Variants in NRG1 observed in about 807,000 individuals in gnomAD.
The protein encoded by NRG1 is neuregulin 1.
Under a neutral mutation model 63.8 loss-of-function variants are expected in NRG1, and 18 were observed. That is an observed-to-expected ratio of 0.28 (90% CI 0.19 to 0.42). The LOEUF is 0.42. Ranked by LOEUF, NRG1 falls within the 10% of genes least tolerant of loss-of-function variation. The pLI is 1.00. For synonymous variants in NRG1, 302 were observed against 301.3 expected (o/e 1.00, Z -0.02); for missense variants, 762 against 814.7 (o/e 0.94, Z 0.79).
chr8:31,951,860 T>C (rs970658303), intron 1 of NRG1, among the ~76,000 whole-genome samples: 1 of 152,178 alleles, frequency 6.6e-6, no homozygotes, highest in Admixed American at 6.5e-5. Context: ...AAACTAAATC[T>C]TATGGCCTGT....
intron 1 of NRG1, among the ~76,000 whole-genome samples, chr8:31,745,342 G>A (rs1399096207): frequency 6.6e-6 from 1 of 151,878 alleles, no homozygotes; most frequent in Non-Finnish European, 1.5e-5. Context: ...TAACTACTAA[G>A]CAGGTGGAAT....
At chr8:32,316,856 G>T (rs1049043804) in intron 1 of NRG1, among the ~76,000 whole-genome samples, 17 of 152,250 alleles carry the variant, frequency 1.1e-4, no homozygotes, top group Middle Eastern at 3.4e-3. Context: ...AAATGAATTA[G>T]TGTAATCAGC....
At chr8:32,107,515 TC>T (rs1831438941) in intron 1 of NRG1, among the ~76,000 whole-genome samples, 1 of 152,220 alleles carries the variant, frequency 6.6e-6, no homozygotes, top group South Asian at 2.1e-4. Context: ...ATTTTTTGGC[TC>T]CAGCTGCTCT....
chr8:31,708,736 C>G (rs531567227), intron 1 of NRG1, among the ~76,000 whole-genome samples: 2 of 152,120 alleles, frequency 1.3e-5, no homozygotes, highest in Non-Finnish European at 2.9e-5. Flanking sequence ...TGAGCCACCG[C>G]GCCCGGCCAA....
rs564994660 is a variant in NRG1 at position 31,691,193 on chromosome 8, G to C, written c.37+51762G>C. Among the ~76,000 whole-genome samples, 3 of 152,280 alleles carry C rather than the reference G, an allele frequency of 2.0e-5. No individual in the cohort carries two copies. In the South Asian group the frequency reaches 6.2e-4, roughly 32 times the overall value. On this transcript the variant is annotated intron_variant, in intron 1 of 10. Coordinates refer to the NRG1 transcript ENST00000519301. ...AAATGCCCAAAGAGGAGGTAAAGTA[G>C]CAAATGACAAAGGGGAATTTTATCT...
At chr8:32,463,874 CTTTTTTTTTTTTTTTTTTTTTTTTTTTT>C (rs756489856) in intron 1 of NRG1, among the ~76,000 whole-genome samples, 1 of 42,338 alleles carries the variant, frequency 2.4e-5, no homozygotes, top group Non-Finnish European at 4.2e-5. Flanking sequence ...ACTTAGAATT[CTTTTTTTTTTTTTTTTTTTTTTTTTTTT>C]TTTTTTTTTT....
At chr8:31,789,854 C>CA (rs767558181) in intron 1 of NRG1, among the ~76,000 whole-genome samples, 3 of 152,114 alleles carry the variant, frequency 2.0e-5, no homozygotes, top group Non-Finnish European at 4.4e-5. Flanking sequence ...TCTTTATTAG[C>CA]AAATCAACAG....
chr8:32,012,281 T>C (rs1814879653), intron 1 of NRG1, among the ~76,000 whole-genome samples: 2 of 152,038 alleles, frequency 1.3e-5, no homozygotes, highest in African/African-American at 4.8e-5. Flanking sequence ...CCATGAAAAA[T>C]GCTTGGACAA....
intron 1 of NRG1, among the ~76,000 whole-genome samples, chr8:32,208,292 T>C (rs928882679): frequency 6.6e-6 from 1 of 152,104 alleles, no homozygotes; most frequent in Non-Finnish European, 1.5e-5. Flanking sequence ...TTAATTTTTT[T>C]TTTTTTTTTA....
At chr8:31,782,774 T>C (rs1201031383) in intron 1 of NRG1, among the ~76,000 whole-genome samples, 2 of 152,176 alleles carry the variant, frequency 1.3e-5, no homozygotes, top group Non-Finnish European at 2.9e-5. Flanking sequence ...CTCGTTAAAA[T>C]GTGAACTGTG....
chr8:32,208,405 C>T (rs182697516), intron 1 of NRG1, among the ~76,000 whole-genome samples: 1 of 151,696 alleles, frequency 6.6e-6, no homozygotes, highest in Non-Finnish European at 1.5e-5. Context: ...TTACAGGCAC[C>T]CTCCACCATG....
intron 5 of NRG1, among the ~76,000 whole-genome samples, chr8:32,632,097 T>A (rs1302345574): frequency 6.6e-6 from 1 of 152,188 alleles, no homozygotes; most frequent in Non-Finnish European, 1.5e-5. Context: ...TAAAAAGTAA[T>A]GTTTTATTTT....
chr8:31,932,277 A>T (rs916123960), intron 1 of NRG1, among the ~76,000 whole-genome samples: 4 of 152,180 alleles, frequency 2.6e-5, no homozygotes, highest in Non-Finnish European at 5.9e-5. Context: ...GGACTCTTGC[A>T]TTACCTTTCA....
At chr8:32,688,403 T>C (rs2128930589) in intron 5 of NRG1, among the ~76,000 whole-genome samples, 1 of 152,222 alleles carries the variant, frequency 6.6e-6, no homozygotes. Context: ...GCTACGAGGA[T>C]TTGTCAAAAG....
chr8:31,781,812 A>G (rs1346976215), intron 1 of NRG1, among the ~76,000 whole-genome samples: 3 of 152,104 alleles, frequency 2.0e-5, no homozygotes, highest in South Asian at 2.1e-4. Flanking sequence ...TAGCAACTCT[A>G]TATTTTAAGT....
chr8:32,704,629 GA>G (rs1331722702), intron 5 of NRG1, among the ~76,000 whole-genome samples: 1 of 152,178 alleles, frequency 6.6e-6, no homozygotes, highest in East Asian at 1.9e-4. Context: ...TATGATTTGA[GA>G]AAAATACTTA....
chr8:32,647,668 C>G, intron 5 of NRG1: 1 of 1,504,430 alleles, frequency 6.6e-7, no homozygotes, highest in Middle Eastern at 2.0e-4. Flanking sequence ...GGGGCCTCTG[C>G]GTGGTAATGG....
At chr8:31,876,513 T>TTGC (rs1829935285) in intron 1 of NRG1, among the ~76,000 whole-genome samples, 1 of 152,192 alleles carries the variant, frequency 6.6e-6, no homozygotes, top group Non-Finnish European at 1.5e-5. Context: ...AATAAAAAGT[T>TTGC]TGCTGGTTGA....
chr8:32,284,489 G>GCCTGCCTGCCTGCCTGCCTGCCTTCCTT (rs1338557078), intron 1 of NRG1, among the ~76,000 whole-genome samples: 1 of 132,522 alleles, frequency 7.5e-6, no homozygotes, highest in Admixed American at 7.7e-5. Context: ...CTGCCTGCCT[G>GCCTGCCTGCCTGCCTGCCTGCCTTCCTT]CCTTCCTTCC....
Sources: gnomAD v4.1 joint callset for allele counts (sites outside exome capture counted in the v4.1 genomes callset) on GRCh38, gnomAD v4.1.1 for gene constraint, MANE v1.5 for transcripts, NCBI Gene and HGNC (gene_info 2026-07-23, HGNC 2026-07-21) for gene names.